ROBO1: variants seen among roughly 807,000 people sequenced by gnomAD.
The protein encoded by ROBO1 is roundabout guidance receptor 1.
In ROBO1, 149 loss-of-function variants were observed where a neutral mutation model predicts 195.9. The ratio of observed to expected loss-of-function variants is 0.76; its 90% CI spans 0.67 to 0.87. The LOEUF is 0.87. Ranked by LOEUF, ROBO1 falls within the 40% of genes least tolerant of loss-of-function variation. ROBO1 has a pLI of 0.00. For missense variants in ROBO1, 1,933 were observed against 2,068.3 expected (o/e 0.93, Z 1.27); for synonymous variants, 816 against 733.2 (o/e 1.11, Z -1.82).
At chr3:79,003,267 T>G (rs2077546890) in intron 3 of ROBO1, among the ~76,000 whole-genome samples, 1 of 152,192 alleles carries the variant, frequency 6.6e-6, no homozygotes, top group African/African-American at 2.4e-5. Context: ...TGCTCATGCC[T>G]TCTCTGCTTT....
chr3:78,859,031 ACT>A (rs748446828), intron 4 of ROBO1, among the ~76,000 whole-genome samples: 58 of 152,096 alleles, frequency 3.8e-4, no homozygotes, highest in Non-Finnish European at 7.9e-4. Flanking sequence ...TAATTCCACA[ACT>A]CTCTGTTGAA....
chr3:79,375,068 A>G (rs1304572865), intron 2 of ROBO1, among the ~76,000 whole-genome samples: 1 of 152,196 alleles, frequency 6.6e-6, no homozygotes, highest in Non-Finnish European at 1.5e-5. Context: ...TGTGTCTTCA[A>G]ATCTACTATG....
chr3:79,401,141 A>G (rs1165717919), intron 2 of ROBO1, among the ~76,000 whole-genome samples: 1 of 151,844 alleles, frequency 6.6e-6, no homozygotes, highest in African/African-American at 2.4e-5. Context: ...CCTTTAATTC[A>G]GTAAACCAGA....
intron 4 of ROBO1, among the ~76,000 whole-genome samples, chr3:78,843,814 A>G (rs555931016): frequency 1.4e-3 from 213 of 152,224 alleles, no homozygotes; most frequent in African/African-American, 5.1e-3. Flanking sequence ...CACGTGGTGG[A>G]CCTATATAAT....
chr3:78,859,816 C>T (rs75065152), intron 4 of ROBO1, among the ~76,000 whole-genome samples: 3 of 152,276 alleles, frequency 2.0e-5, no homozygotes, highest in East Asian at 1.9e-4. Flanking sequence ...TGCAGGGGCT[C>T]GCGCCTATAA....
intron 2 of ROBO1, among the ~76,000 whole-genome samples, chr3:79,387,312 G>A (rs1418485502): frequency 6.6e-6 from 1 of 151,884 alleles, no homozygotes; most frequent in African/African-American, 2.4e-5. Flanking sequence ...ATTAGACTGA[G>A]CCCTTTGTCA....
intron 2 of ROBO1, among the ~76,000 whole-genome samples, chr3:79,245,008 T>C (rs2082598363): frequency 6.6e-6 from 1 of 152,116 alleles, no homozygotes; most frequent in Non-Finnish European, 1.5e-5. Flanking sequence ...ACTTTTAGAT[T>C]GACTACCACA....
chr3:79,732,981 G>A (rs976359929), intron 1 of ROBO1, among the ~76,000 whole-genome samples: 4 of 152,108 alleles, frequency 2.6e-5, no homozygotes, highest in Middle Eastern at 3.4e-3. Context: ...CATTATTTCC[G>A]AAACCCAAAT....
At chr3:78,948,709 A>G (rs1390541407) in intron 3 of ROBO1, among the ~76,000 whole-genome samples, 6 of 152,348 alleles carry the variant, frequency 3.9e-5, no homozygotes, top group Admixed American at 2.0e-4. Context: ...AATTAGGAAA[A>G]GAGTAAGTCA....
chr3:79,677,594 G>A (rs59864854), intron 1 of ROBO1, among the ~76,000 whole-genome samples: 1,661 of 152,112 alleles, frequency 0.011, 23 homozygotes, highest in African/African-American at 0.038. Context: ...CCCACAACAC[G>A]TGGGAATTAT....
chr3:79,339,799 C>T lies in ROBO1; in HGVS notation c.89-214260G>A, dbSNP rs888675194. Among the ~76,000 whole-genome samples, 6 of 152,286 alleles carry T rather than the reference C, an allele frequency of 3.9e-5. No homozygotes were observed. In the South Asian group the frequency reaches 8.3e-4, roughly 21 times the overall value. On this transcript the variant is annotated intron_variant, in intron 2 of 30. Coordinates refer to ENST00000464233, the MANE Select transcript of ROBO1 (RefSeq NM_002941.4). Reference sequence around the variant, plus strand: ...CAACCTTTAGAAGGTACCCAAAACACATTTGTTATTAGTGAATACATAAGT... The same window carrying T: ...CAACCTTTAGAAGGTACCCAAAACATATTTGTTATTAGTGAATACATAAGT...
intron 1 of ROBO1, among the ~76,000 whole-genome samples, chr3:79,650,611 A>T (rs12330219): frequency 6.6e-6 from 1 of 151,126 alleles, no homozygotes; most frequent in Non-Finnish European, 1.5e-5. Context: ...TAGAAAAAAA[A>T]CCCTTAATTA....
intron 2 of ROBO1, among the ~76,000 whole-genome samples, chr3:79,374,027 T>G (rs1484138435): frequency 6.6e-6 from 1 of 152,172 alleles, no homozygotes; most frequent in East Asian, 1.9e-4. Flanking sequence ...TATCATAAGA[T>G]TCTATTAAAA....
intron 2 of ROBO1, among the ~76,000 whole-genome samples, chr3:79,507,278 G>T (rs1044046087): frequency 2.0e-5 from 3 of 152,092 alleles, no homozygotes; most frequent in Non-Finnish European, 4.4e-5. Context: ...GCCTACCAAG[G>T]TGTCTACACA....
At chr3:79,659,406 T>TA (rs1946263975) in intron 1 of ROBO1, among the ~76,000 whole-genome samples, 1 of 152,200 alleles carries the variant, frequency 6.6e-6, no homozygotes, top group East Asian at 1.9e-4. Context: ...ACTTAAAATA[T>TA]AAAAAAGTTT....
intron 2 of ROBO1, among the ~76,000 whole-genome samples, chr3:79,558,602 T>C (rs1942797998): frequency 6.6e-6 from 1 of 152,180 alleles, no homozygotes; most frequent in Admixed American, 6.5e-5. Flanking sequence ...GGGTAAACTG[T>C]ATTAGTTTTA....
intron 2 of ROBO1, among the ~76,000 whole-genome samples, chr3:79,352,264 C>T (rs1366408993): frequency 6.6e-6 from 1 of 152,090 alleles, no homozygotes; most frequent in African/African-American, 2.4e-5. Flanking sequence ...CTTTTCTGTT[C>T]TCCCACCTTT....
intron 2 of ROBO1, among the ~76,000 whole-genome samples, chr3:79,519,157 G>A (rs988764096): frequency 1.3e-5 from 2 of 152,134 alleles, no homozygotes; most frequent in Non-Finnish European, 2.9e-5. Flanking sequence ...TGAGCTCCAA[G>A]AGCAAGAAGC....
chr3:78,993,923 T>A (rs192022384), intron 3 of ROBO1, among the ~76,000 whole-genome samples: 27 of 151,952 alleles, frequency 1.8e-4, no homozygotes, highest in African/African-American at 5.6e-4. Context: ...GCAAAAGTTA[T>A]GTGTAAAAAG....
Sources: allele counts gnomAD v4.1 joint callset (sites outside exome capture counted in the v4.1 genomes callset), GRCh38; gene constraint gnomAD v4.1.1; transcripts MANE v1.5; gene names NCBI Gene and HGNC (gene_info 2026-07-23, HGNC 2026-07-21).